The following WDR90 variants were observed in gnomAD, a reference collection of about 807,000 sequenced individuals.
WDR90 encodes the protein WD repeat domain 90.
A neutral mutation model predicts 195.2 loss-of-function variants in WDR90; 238 were observed. That is an observed-to-expected ratio of 1.22 (90% CI 1.10 to 1.36). WDR90 has a LOEUF of 1.36. WDR90 is among the 40% of genes most tolerant of loss of function. The probability of loss-of-function intolerance (pLI) is 0.00; values close to 1 mark genes in which losing one functional copy is unlikely to be tolerated. For synonymous variants in WDR90, 1,265 were observed against 1,052.4 expected, an observed-to-expected ratio of 1.20 and a Z score of -3.91; for missense variants, 2,734 against 2,439.5, an observed-to-expected ratio of 1.12 and a Z score of -2.54.
At chr16:665,656 A>G in intron 34 of WDR90, 23 bp from the exon 35 acceptor site, 1 of 1,612,460 alleles carries the variant, frequency 6.2e-7, no homozygotes, top group East Asian at 2.2e-5. Flanking sequence ...CAACACCCCC[A>G]GCCTAGCTAC....
rs771290229 is a variant in WDR90 at position 655,327 on chromosome 16, G to A, written c.1577G>A (p.Gly526Asp). The change falls in exon 15 of 41, where the codon GGC (glycine) becomes GAC (aspartate). Residue 526 changes from glycine (G) to aspartate (D), a missense_variant. Coordinates refer to ENST00000293879, the MANE Select transcript of WDR90 (RefSeq NM_145294.5). ...DETRMASCGQ[G>D]SVRLWRLRGG... ...TGCAGGATGGCGTCGTGCGGGCAGG[G>A]CAGTGTGCGGCTCTGGCGGCTGCGT... 3 of 1,604,330 alleles carry A rather than the reference G, an allele frequency of 1.9e-6. No individual in the cohort carries two copies. Among genetic ancestry groups the A allele is most frequent in the East Asian group, 2.2e-5 (1 of 44,848 alleles).
chr16:657,188 G>A lies in WDR90; in HGVS notation c.2440G>A (p.Ala814Thr), dbSNP rs575112515. Residue 814 changes from alanine to threonine, a missense_variant, in exon 20 of 41, where the codon GCG becomes ACG. By Grantham distance (58) the Ala-to-Thr change is moderately conservative (BLOSUM62 0). Coordinates refer to ENST00000293879, the MANE Select transcript of WDR90 (RefSeq NM_145294.5). ...SQGSLAQYSCADPQWHVLRVA... is the reference protein window; with the variant it reads ...SQGSLAQYSCTDPQWHVLRVA... ...GGGCTCCCTGGCCCAGTACAGCTGT[G>A]CGGACCCCCAGTGGCATGTCCTCCG... The A allele has an allele frequency of 6.4e-7, 1 of 1,555,656 alleles. No homozygotes were observed. The highest frequency in any genetic ancestry group is 8.7e-7 in the Non-Finnish European group (1 of 1,150,124).
rs376851029 is a variant in WDR90 at position 661,633 on chromosome 16, C to A, written c.3710C>A (p.Thr1237Lys). ...GGCCGCACCCTCGCCCTGTGGGGCA[C>A]GGCCACCTATGACCTCGTGTCCTCC... ...HDGRTLALWG[T>K]ATYDLVSSTR... Residue 1237 changes from threonine to lysine, a missense_variant, in exon 31 of 41, where the codon ACG becomes AAG. Physicochemically the swap from Thr to Lys is moderately conservative, Grantham distance 78. Coordinates refer to ENST00000293879, the MANE Select transcript of WDR90 (RefSeq NM_145294.5). The A allele has an allele frequency of 6.2e-7, 1 of 1,603,242 alleles. No individual in the cohort carries two copies. Among genetic ancestry groups the A allele is most frequent in the Non-Finnish European group, 8.5e-7 (1 of 1,174,934 alleles).
chr16:662,893 C>T (rs1385313722), intron 34 of WDR90, 49 bp downstream of exon 34: 6 of 1,534,670 alleles, frequency 3.9e-6, no homozygotes, highest in East Asian at 4.9e-5. Flanking sequence ...AACCTGGTGC[C>T]CTCCCTGCCT....
At chr16:649,305 G>A (rs955188662), upstream of WDR90, 14 of 1,249,110 alleles carry the variant, frequency 1.1e-5, no homozygotes, top group African/African-American at 1.7e-4. Context: ...CCATGACGGC[G>A]GAAGTAATGG....
Position 658,315 on chromosome 16 carries a change from G to T in WDR90, c.2737G>T (p.Asp913Tyr). 1 of 1,612,592 alleles carries T rather than the reference G, an allele frequency of 6.2e-7. No individual in the cohort carries two copies. Among genetic ancestry groups the T allele is most frequent in the Non-Finnish European group, 8.5e-7 (1 of 1,179,876 alleles). Residue 913 changes from aspartate (D) to tyrosine (Y), a missense_variant, in exon 22 of 41, where the codon GAT (aspartate) becomes TAT (tyrosine). By Grantham distance (160) the Asp-to-Tyr change is radical (BLOSUM62 -3). Coordinates refer to ENST00000293879, the MANE Select transcript of WDR90 (RefSeq NM_145294.5). ...CTCGTCCAACAGAGTCGTGGTGCTG[G>T]ATGCTGTGTCGGGCCGCATCATCCG... ...STSSNRVVVL[D>Y]AVSGRIIREL...
intron 34 of WDR90, 58 bp downstream of exon 34, chr16:662,902 C>T: frequency 6.5e-7 from 1 of 1,532,796 alleles, no homozygotes; most frequent in Non-Finnish European, 8.7e-7. Flanking sequence ...CCCTCCCTGC[C>T]TGCCGGCTCC....
Position 656,491 on chromosome 16 carries a change from C to T in WDR90, c.2156C>T (p.Ser719Phe). The change falls in exon 18 of 41, where the codon TCC becomes TTC. Residue 719 changes from serine (S) to phenylalanine (F), a missense_variant. By Grantham distance (155) the Ser-to-Phe change is radical (BLOSUM62 -2). Coordinates refer to ENST00000293879, the MANE Select transcript of WDR90 (RefSeq NM_145294.5). ...EQRRGQLATV[S>F]QDRTVRIWDL... The stretch of plus-strand genomic sequence containing the variant: ...AGGCGGGGACAGCTGGCCACCGTGT[C>T]CCAGGACCGTACCGTCCGCATCTGG... 5.1e-6 allele frequency: 8 copies of T among 1,582,262 alleles called. No individual in the cohort carries two copies. The highest frequency in any genetic ancestry group is 6.9e-6 in the Non-Finnish European group (8 of 1,167,204).
In WDR90 at chr16:661,478, A is replaced by G. The variant is rs374814717; in HGVS notation, c.3650A>G (p.Asp1217Gly). The G allele has an allele frequency of 1.4e-5, 23 of 1,608,490 alleles. No homozygotes were observed. In the African/African-American group the frequency reaches 2.7e-4, roughly 19 times the overall value. Reference sequence around the variant, plus strand: ...GTGCTGGCCCTGGCCTTCTCACCAGATGACAGGCTTCTTGTCACACTGGGT... The same window carrying G: ...GTGCTGGCCCTGGCCTTCTCACCAGGTGACAGGCTTCTTGTCACACTGGGT... ...TTVLALAFSP[D>G]DRLLVTLGDH... The change falls in exon 30 of 41, where the codon GAT becomes GGT. Residue 1217 changes from aspartate (D) to glycine (G), a missense_variant. Physicochemically the swap from Asp to Gly is moderately conservative, Grantham distance 94. Transcript: ENST00000293879.
In WDR90 at chr16:651,997, C is replaced by G. The variant is rs764589889; in HGVS notation, c.1011C>G (p.His337Gln). The change falls in exon 9 of 41, where the codon CAC becomes CAG. Residue 337 changes from histidine (H) to glutamine (Q), a missense_variant. By Grantham distance (24) the His-to-Gln change is conservative (BLOSUM62 0). Transcript: ENST00000293879. ...CTGCCGGCACCCACGTGTTGACTCACGAGTCGGCTGAGGTGCCCGTGGCCC... is the reference window on the plus strand; with the variant it reads ...CTGCCGGCACCCACGTGTTGACTCAGGAGTCGGCTGAGGTGCCCGTGGCCC... ...TAAAGTHVLT[H>Q]ESAEVPVART... The G allele has an allele frequency of 6.2e-7, 1 of 1,605,372 alleles. No individual in the cohort carries two copies. The highest frequency in any genetic ancestry group is 1.1e-5 in the South Asian group (1 of 89,932).
chr16:649,358 G>C, upstream of WDR90: 1 of 1,322,838 alleles, frequency 7.6e-7, no homozygotes, highest in Non-Finnish European at 9.6e-7. Context: ...CTGGCGTCGC[G>C]GGGCGTACTC....
Position 650,567 on chromosome 16 carries a change from C to G in WDR90, c.417C>G (p.Ala139=). Residue 139 remains alanine, a synonymous_variant, in exon 5 of 41, where the codon GCC becomes GCG. Transcript: ENST00000293879. ...TGGTGGGTTTGGCCCCCTCCGGAGC[C>G]CGCTGGACCTGCCTGCAGCTCGATC... is the stretch of plus-strand genomic sequence containing the variant. ...RDLVGLAPSG[A]RWTCLQLDLQ... The G allele has an allele frequency of 6.2e-7, 1 of 1,612,030 alleles. No individual in the cohort carries two copies.
chr16:662,380 C>T (rs1596468717), intron 33 of WDR90, 49 bp downstream of exon 33: 1 of 1,534,660 alleles, frequency 6.5e-7, no homozygotes. Context: ...GTGTTGGTGT[C>T]CCTGACTGGG....
intron 27 of WDR90, among the ~76,000 whole-genome samples, 159 bp downstream of exon 27, chr16:660,320 C>A (rs114147162): frequency 0.012 from 1,895 of 152,360 alleles, 48 homozygotes; most frequent in African/African-American, 0.043. Flanking sequence ...CCCACACCCC[C>A]ACCCCTGCCC....
In WDR90 at chr16:656,829, G is replaced by A. The variant is rs762140727; in HGVS notation, c.2300G>A (p.Arg767His). Residue 767 changes from arginine to histidine, a missense_variant, in exon 19 of 41, where the codon CGC (arginine) becomes CAC (histidine). Transcript: ENST00000293879. ...TGTGGCTTTAGCAGTGGGGCCGTGC[G>A]CTCCTTCAGCCTGGAGGCCGCTGAG... ...FFCGFSSGAV[R>H]SFSLEAAEVL... The A allele has an allele frequency of 4.6e-5, 75 of 1,612,980 alleles. No homozygotes were observed. The highest frequency in any genetic ancestry group is 5.3e-5 in the African/African-American group (4 of 75,044).
chr16:658,568 G>A lies in WDR90; in HGVS notation c.2810G>A (p.Ser937Asn), dbSNP rs372805672. 6.2e-7 allele frequency: 1 copy of A among 1,612,744 alleles called. No homozygotes were observed. Among genetic ancestry groups the A allele is most frequent in the Non-Finnish European group, 8.5e-7 (1 of 1,179,906 alleles). The change falls in exon 23 of 41, where the codon AGT (serine) becomes AAT (asparagine). Residue 937 changes from serine (S) to asparagine (N), a missense_variant. Transcript: ENST00000293879. ...HPEPCPSLTLSEDARFLLIAA... is the reference protein window; with the variant it reads ...HPEPCPSLTLNEDARFLLIAA... ...GAGCCCTGCCCCTCCTTGACGCTCA[G>A]TGAGGACGCCCGCTTCCTGCTGATT...
chr16:663,500 C>T (rs1051939360), intron 34 of WDR90: 1 of 200,444 alleles, frequency 5.0e-6, no homozygotes, highest in South Asian at 7.3e-5. Context: ...ACTGGCTTTG[C>T]TGACTCAGTC....
chr16:661,578 T>C lies in WDR90; in HGVS notation c.3674-19T>C. On this transcript the variant is annotated intron_variant, in intron 30 of 40. Transcript: ENST00000293879. ...GCTGCATCTGTGCACCTGACGTGGC[T>C]GCTCTGTGTCCTTCCCAGGGGACCA... The C allele has an allele frequency of 6.3e-7, 1 of 1,580,256 alleles. No individual in the cohort carries two copies. The highest frequency in any genetic ancestry group is 1.7e-5 in the Admixed American group (1 of 58,064).
chr16:666,928 C>G lies in WDR90; in HGVS notation c.5028C>G (p.Pro1676=). Residue 1676 remains proline, a synonymous_variant, in exon 40 of 41, where the codon CCC becomes CCG. Coordinates refer to ENST00000293879, the MANE Select transcript of WDR90 (RefSeq NM_145294.5). ...AGGTGGTGGAGAAGATACCACTGCC[C>G]TTTTTTGCCATGTCCCTGAGCCTGT... ...QKQVVEKIPL[P]FFAMSLSLSP... 1 of 1,613,076 alleles carries G rather than the reference C, an allele frequency of 6.2e-7. No homozygotes were observed. Among genetic ancestry groups the G allele is most frequent in the South Asian group, 1.1e-5 (1 of 91,032 alleles).
Sources: gnomAD v4.1 joint callset for allele counts (sites outside exome capture counted in the v4.1 genomes callset) on GRCh38, gnomAD v4.1.1 for gene constraint, MANE v1.5 for transcripts, NCBI Gene and HGNC (gene_info 2026-07-23, HGNC 2026-07-21) for gene names.